The following CA10 variants were observed in gnomAD, a reference collection of about 807,000 sequenced individuals.
CA10 encodes carbonic anhydrase-related protein 10.
A neutral mutation model predicts 44.2 loss-of-function variants in CA10; 14 were observed. The ratio of observed to expected loss-of-function variants is 0.32; its 90% CI spans 0.21 to 0.50. The LOEUF is 0.50. Ranked by LOEUF, CA10 falls within the 20% of genes least tolerant of loss-of-function variation. The pLI is 0.99. For missense variants in CA10, 350 were observed against 409.7 expected (o/e 0.85, Z 1.26); for synonymous variants, 159 against 141.6 (o/e 1.12, Z -0.87).
chr17:51,966,173 A>G (rs147350229), intron 2 of CA10, among the ~76,000 whole-genome samples: 4 of 151,992 alleles, frequency 2.6e-5, no homozygotes, highest in Admixed American at 6.6e-5. Context: ...AGAGATCTCT[A>G]CAACAAGAAC....
At chr17:52,055,986 A>G (rs899659653) in intron 2 of CA10, among the ~76,000 whole-genome samples, 1 of 152,106 alleles carries the variant, frequency 6.6e-6, no homozygotes, top group Non-Finnish European at 1.5e-5. Flanking sequence ...TGAGGTTGTA[A>G]CTGGGAAGTG....
At chr17:52,096,450 A>G (rs982481197) in intron 1 of CA10, among the ~76,000 whole-genome samples, 4 of 152,220 alleles carry the variant, frequency 2.6e-5, no homozygotes, top group African/African-American at 7.2e-5. Context: ...ACACTCTGGT[A>G]CATCCGATTA....
chr17:51,959,998 T>A (rs1440355946), intron 2 of CA10, among the ~76,000 whole-genome samples: 1 of 151,892 alleles, frequency 6.6e-6, no homozygotes, highest in East Asian at 1.9e-4. Context: ...GGACAAAGAT[T>A]TTAAAGGAGT....
intron 3 of CA10, among the ~76,000 whole-genome samples, chr17:51,809,654 G>T (rs1447280878): frequency 1.3e-5 from 2 of 152,178 alleles, no homozygotes; most frequent in African/African-American, 4.8e-5. Flanking sequence ...AGCTGGCAAA[G>T]CTTTCCTGAA....
chr17:51,844,950 T>A (rs1978425338), intron 3 of CA10, among the ~76,000 whole-genome samples: 1 of 152,074 alleles, frequency 6.6e-6, no homozygotes, highest in Non-Finnish European at 1.5e-5. Flanking sequence ...CTGGCCCTAA[T>A]CCAATGACTG....
At chr17:51,849,174 T>C (rs148848082) in intron 3 of CA10, among the ~76,000 whole-genome samples, 6,831 of 101,208 alleles carry the variant, frequency 0.067, 387 homozygotes, top group African/African-American at 0.15. Flanking sequence ...TATATATATA[T>C]ACATATATGT....
intron 3 of CA10, among the ~76,000 whole-genome samples, chr17:51,927,008 A>C (rs1329743964): frequency 6.6e-6 from 1 of 152,186 alleles, no homozygotes; most frequent in Non-Finnish European, 1.5e-5. Flanking sequence ...GCAAATCTAG[A>C]AACTTTAGAA....
intron 3 of CA10, among the ~76,000 whole-genome samples, chr17:51,912,547 G>A (rs1598114009): frequency 1.3e-5 from 2 of 152,188 alleles, no homozygotes; most frequent in East Asian, 1.9e-4. Flanking sequence ...TAGTGAAAGA[G>A]TTTACTAACA....
At chr17:52,029,198 A>G (rs1166397678) in intron 2 of CA10, among the ~76,000 whole-genome samples, 1 of 152,134 alleles carries the variant, frequency 6.6e-6, no homozygotes, top group South Asian at 2.1e-4. Flanking sequence ...CTTCTCTCAC[A>G]TCTTCTCTAT....
intron 2 of CA10, among the ~76,000 whole-genome samples, chr17:52,015,873 T>G (rs1985952748): frequency 6.6e-6 from 1 of 152,120 alleles, no homozygotes; most frequent in South Asian, 2.1e-4. Context: ...TGCTTTTTAT[T>G]TAAACAAATC....
chr17:51,708,983 C>T (rs895117625), intron 4 of CA10, among the ~76,000 whole-genome samples: 5 of 152,228 alleles, frequency 3.3e-5, no homozygotes, highest in African/African-American at 1.2e-4. Flanking sequence ...TGCAGACGGT[C>T]TATTGTGGGA....
intron 2 of CA10, among the ~76,000 whole-genome samples, chr17:52,054,634 C>A (rs8071295): frequency 0.13 from 20,127 of 151,958 alleles, 1,808 homozygotes; most frequent in East Asian, 0.29. Flanking sequence ...CGGAACCTGC[C>A]GACATGTGAT....
chr17:52,002,755 C>T (rs1453033012), intron 2 of CA10, among the ~76,000 whole-genome samples: 1 of 151,918 alleles, frequency 6.6e-6, no homozygotes, highest in Non-Finnish European at 1.5e-5. Context: ...CATTCAGGGA[C>T]TCCGTAGACA....
intron 3 of CA10, among the ~76,000 whole-genome samples, chr17:51,824,066 TAAC>T (rs1468397881): frequency 1.3e-5 from 2 of 151,064 alleles, no homozygotes; most frequent in African/African-American, 4.9e-5. Flanking sequence ...GAAAACATCA[TAAC>T]AATAGAGATG....
intron 3 of CA10, among the ~76,000 whole-genome samples, chr17:51,827,351 CACATACACACACACAT>C (rs1419776374): frequency 2.0e-5 from 3 of 151,422 alleles, no homozygotes; most frequent in Admixed American, 2.0e-4. Flanking sequence ...CACACACACA[CACATACACACACACAT>C]ACACACACAC....
At chr17:51,708,327 A>T (rs1173198712) in intron 4 of CA10, among the ~76,000 whole-genome samples, 1 of 152,210 alleles carries the variant, frequency 6.6e-6, no homozygotes, top group Non-Finnish European at 1.5e-5. Flanking sequence ...AAGGAGAGGC[A>T]CTGAACACTT....
At chr17:51,884,271 C>A (rs1980500202) in intron 3 of CA10, among the ~76,000 whole-genome samples, 3 of 152,162 alleles carry the variant, frequency 2.0e-5, no homozygotes, top group Admixed American at 6.5e-5. Flanking sequence ...CTGTAAAACT[C>A]TAAAACAGAT....
At chr17:51,853,867 C>A (rs1196079738) in intron 3 of CA10, among the ~76,000 whole-genome samples, 4 of 152,152 alleles carry the variant, frequency 2.6e-5, no homozygotes, top group Admixed American at 6.5e-5. Flanking sequence ...CCCCTTCTGC[C>A]ATGATTGTAA....
intron 2 of CA10, among the ~76,000 whole-genome samples, chr17:52,006,100 T>C (rs1985588635): frequency 6.6e-6 from 1 of 151,752 alleles, no homozygotes; most frequent in Non-Finnish European, 1.5e-5. Context: ...TACTATAAAA[T>C]CGCTGATGAA....
Sources: allele counts gnomAD v4.1 joint callset (sites outside exome capture counted in the v4.1 genomes callset), GRCh38; gene constraint gnomAD v4.1.1; transcripts MANE v1.5; gene names NCBI Gene and HGNC (gene_info 2026-07-23, HGNC 2026-07-21).